Variants in EFHC2 observed in about 807,000 individuals in gnomAD.
EFHC2 encodes the protein EF-hand domain containing 2.
EFHC2 carries 18 observed loss-of-function variants against 52.7 expected under a neutral mutation model. That is an observed-to-expected ratio of 0.34 (90% CI 0.24 to 0.51). EFHC2 has a LOEUF of 0.51. Ranked by LOEUF, EFHC2 falls within the 20% of genes least tolerant of loss-of-function variation. The pLI is 0.97. For missense variants in EFHC2, 513 were observed against 562.5 expected (o/e 0.91, Z 0.89); for synonymous variants, 203 against 204.1 (o/e 0.99, Z 0.04).
At chrX:44,179,143 C>A (rs1322732948) in intron 11 of EFHC2, among the ~76,000 whole-genome samples, 1 of 108,265 alleles carries the variant, frequency 9.2e-6, no homozygotes, top group African/African-American at 3.4e-5. Flanking sequence ...CTTTAGAAGG[C>A]AAATGGTACT....
chrX:44,154,560 G>A (rs772126490), intron 14 of EFHC2, among the ~76,000 whole-genome samples: 210 of 108,637 alleles, frequency 1.9e-3, no homozygotes, highest in South Asian at 4.9e-3. Context: ...AAAAAGTAGC[G>A]GGGTGTGGTG....
In EFHC2 at chrX:44,202,435, G is replaced by A. The variant is rs766283510; in HGVS notation, c.1752-23871C>T. Among the ~76,000 whole-genome samples the A allele has an allele frequency of 3.3e-4, 37 of 111,253 alleles. No individual in the cohort carries two copies. In the Admixed American group the frequency reaches 3.4e-3, roughly 10 times the overall value. The stretch of plus-strand genomic sequence containing the variant: ...AAAAACAAAAAACAAACAAACAAAC[G>A]AAAACAATAGCATTCATACATACCA... On this transcript the variant is annotated intron_variant, in intron 11 of 14. Transcript: ENST00000420999.
intron 1 of EFHC2, among the ~76,000 whole-genome samples, chrX:44,316,582 G>A: frequency 9.6e-6 from 1 of 104,659 alleles, no homozygotes; most frequent in East Asian, 2.9e-4. Context: ...TTTGGGTGAG[G>A]TGGCTCAAGC....
intron 1 of EFHC2, among the ~76,000 whole-genome samples, chrX:44,323,085 A>G (rs931973760): frequency 8.9e-6 from 1 of 111,970 alleles, no homozygotes; most frequent in Non-Finnish European, 1.9e-5. Context: ...CCACAAATAG[A>G]TTTATAGATT....
chrX:44,263,326 G>C (rs1382093332), intron 3 of EFHC2, among the ~76,000 whole-genome samples: 1 of 112,116 alleles, frequency 8.9e-6, no homozygotes, highest in African/African-American at 3.2e-5. Flanking sequence ...TTAGAAATTA[G>C]TCATTGCTTA....
intron 10 of EFHC2, among the ~76,000 whole-genome samples, chrX:44,230,410 TA>T (rs919147779): frequency 9.0e-6 from 1 of 111,689 alleles, no homozygotes; most frequent in Admixed American, 9.5e-5. Flanking sequence ...GATTAAATTT[TA>T]AAATAAAAAT....
At position 44,216,084 on chromosome X, in the gene EFHC2, C is replaced by T. The variant is rs777073745; in HGVS notation, c.1751+13565G>A. 1.4e-4 allele frequency among the ~76,000 whole-genome samples: 16 copies of T among 112,239 alleles called. No homozygotes were observed. In the East Asian group the frequency reaches 4.5e-3, roughly 31 times the overall value. On this transcript the variant is annotated intron_variant, in intron 11 of 14. Transcript: ENST00000420999. ...CCAAATAACCAAAAATTAAATACTT[C>T]GTGTGAATGCAGTATAGTTTCAGTA... is the stretch of plus-strand genomic sequence containing the variant.
chrX:44,153,614 T>C (rs1190272460), intron 14 of EFHC2, among the ~76,000 whole-genome samples: 1 of 108,765 alleles, frequency 9.2e-6, no homozygotes, highest in Middle Eastern at 4.2e-3. Flanking sequence ...ACAGGGGAGG[T>C]TTCCAAGGCT....
rs2036542598 is a variant in EFHC2, at chrX:44,148,606, C to T, written c.*189G>A. 1.1e-5 allele frequency: 4 copies of T among 375,104 alleles called. No individual in the cohort carries two copies. The highest frequency in any genetic ancestry group is 5.4e-5 in the African/African-American group (2 of 37,262). The allele number at this position is 375,104 out of a possible 1,213,427, so 30.9% of individuals were successfully genotyped here. A position where few individuals can be genotyped will look rare whatever the true frequency, so the allele number is the denominator to read the frequency against. ...TTTAAGATGGCATTTTAAATAGTAA[C>T]AGTACGTCGGCAATGTAACATGATG... On this transcript the variant is annotated 3_prime_UTR_variant, in exon 15 of 15. Transcript: ENST00000420999.
Position 44,209,019 on chromosome X carries a change from CTGTGTGTGTGTGTGTG to C in EFHC2, c.1751+20614_1751+20629del, listed in dbSNP as rs753101565. 6.5e-3 allele frequency among the ~76,000 whole-genome samples: 457 copies of C among 69,979 alleles called. 4 individuals are homozygous for C. Among genetic ancestry groups the C allele is most frequent in the Middle Eastern group, 0.024 (3 of 125 alleles). The allele number at this position is 69,979 out of a possible 115,157, so 60.8% of individuals were successfully genotyped here. The stretch of plus-strand genomic sequence containing the variant: ...GCATGATACTGGGTTGATTGGCAAT[CTGTGTGTGTGTGTGTG>C]TGTGTGTGTGTGTGTGTGTGTGTGT... On this transcript the variant is annotated intron_variant, in intron 11 of 14. Transcript: ENST00000420999.
chrX:44,274,932 A>C (rs1055957027), intron 2 of EFHC2, among the ~76,000 whole-genome samples: 1 of 111,289 alleles, frequency 9.0e-6, no homozygotes, highest in East Asian at 2.8e-4. Flanking sequence ...GGAAAAAAAG[A>C]TGTTGGAACA....
At chrX:44,213,407 C>G (rs2037116263) in intron 11 of EFHC2, among the ~76,000 whole-genome samples, 1 of 111,390 alleles carries the variant, frequency 9.0e-6, no homozygotes, top group African/African-American at 3.3e-5. Context: ...CCCAGGAGAT[C>G]CTGAGAACAT....
chrX:44,246,489 A>G (rs1300285380), intron 7 of EFHC2, among the ~76,000 whole-genome samples: 1 of 112,478 alleles, frequency 8.9e-6, no homozygotes, highest in African/African-American at 3.2e-5. Flanking sequence ...TGCTCATGTT[A>G]TATTAGCTTT....
intron 1 of EFHC2, among the ~76,000 whole-genome samples, chrX:44,318,726 C>T (rs1426104472): frequency 1.8e-5 from 2 of 111,360 alleles, no homozygotes; most frequent in African/African-American, 6.5e-5. Context: ...CTAGATGACA[C>T]ATTTTTTAAA....
chrX:44,215,386 G>A (rs1168220107), intron 11 of EFHC2, among the ~76,000 whole-genome samples: 1 of 110,003 alleles, frequency 9.1e-6, no homozygotes, highest in Non-Finnish European at 1.9e-5. Context: ...CAAATATCTA[G>A]GGAAAAATCT....
intron 14 of EFHC2, among the ~76,000 whole-genome samples, chrX:44,157,051 C>A (rs1416059376): frequency 8.9e-6 from 1 of 112,394 alleles, no homozygotes; most frequent in East Asian, 2.8e-4. Context: ...CAGGCCATAG[C>A]CGACAGTCAT....
chrX:44,200,251 CAATGA>C (rs1014934841), intron 11 of EFHC2, among the ~76,000 whole-genome samples: 2 of 111,273 alleles, frequency 1.8e-5, no homozygotes, highest in African/African-American at 6.5e-5. Flanking sequence ...AACAAAGGAA[CAATGA>C]AGTGGAGGAA....
chrX:44,268,534 C>G (rs2037594237), intron 3 of EFHC2, among the ~76,000 whole-genome samples: 1 of 111,222 alleles, frequency 9.0e-6, no homozygotes, highest in East Asian at 2.8e-4. Context: ...GACCTCCAGT[C>G]TATCATTTGT....
intron 11 of EFHC2, among the ~76,000 whole-genome samples, chrX:44,201,944 A>T (rs1000456991): frequency 8.9e-6 from 1 of 111,975 alleles, no homozygotes; most frequent in Non-Finnish European, 1.9e-5. Context: ...AGTACTTAGT[A>T]AAAATATCTT....
Sources: allele counts gnomAD v4.1 joint callset (sites outside exome capture counted in the v4.1 genomes callset), GRCh38; gene constraint gnomAD v4.1.1; transcripts MANE v1.5; gene names NCBI Gene and HGNC (gene_info 2026-07-23, HGNC 2026-07-21).